SLX4IP: variants seen among roughly 807,000 people sequenced by gnomAD.
SLX4IP encodes protein SLX4IP.
Under a neutral mutation model 32.9 loss-of-function variants are expected in SLX4IP, and 34 were observed. The observed-to-expected ratio is 1.03, with a 90% confidence interval of 0.79 to 1.38. The LOEUF is 1.38. Ranked by LOEUF, SLX4IP falls within the 40% of genes most tolerant of loss-of-function variation. SLX4IP has a pLI of 0.00. For missense variants in SLX4IP, 444 were observed against 479.0 expected, an observed-to-expected ratio of 0.93 and a Z score of 0.68; for synonymous variants, 172 against 171.7, an observed-to-expected ratio of 1.00 and a Z score of -0.01.
At chr20:10,498,062 T>G (rs1164060671) in intron 2 of SLX4IP, among the ~76,000 whole-genome samples, 1 of 151,498 alleles carries the variant, frequency 6.6e-6, no homozygotes, top group Non-Finnish European at 1.5e-5. Context: ...CTATAATTCA[T>G]GGATATATCA....
intron 2 of SLX4IP, among the ~76,000 whole-genome samples, chr20:10,508,519 G>GTCTA (rs2046217482): frequency 6.6e-6 from 1 of 152,158 alleles, no homozygotes; most frequent in South Asian, 2.1e-4. Flanking sequence ...CTTAAATGAG[G>GTCTA]TCTATTAGCC....
At chr20:10,582,611 G>A (rs1282922287) in intron 4 of SLX4IP, among the ~76,000 whole-genome samples, 1 of 151,826 alleles carries the variant, frequency 6.6e-6, no homozygotes, top group Non-Finnish European at 1.5e-5. Flanking sequence ...TTTTCAACTT[G>A]GGCCACTAGT....
chr20:10,444,509 C>G (rs1291373120), intron 1 of SLX4IP, among the ~76,000 whole-genome samples: 3 of 152,116 alleles, frequency 2.0e-5, no homozygotes, highest in Non-Finnish European at 4.4e-5. Flanking sequence ...TCCTGAGTAG[C>G]TGGGATTACA....
intron 4 of SLX4IP, among the ~76,000 whole-genome samples, chr20:10,579,081 C>G (rs935022179): frequency 1.3e-5 from 2 of 151,876 alleles, no homozygotes; most frequent in African/African-American, 4.8e-5. Context: ...TTAATGATGT[C>G]CAATTCATCT....
At chr20:10,575,495 A>G (rs745659204) in intron 4 of SLX4IP, among the ~76,000 whole-genome samples, 9 of 152,108 alleles carry the variant, frequency 5.9e-5, no homozygotes, top group Non-Finnish European at 8.8e-5. Flanking sequence ...GAAGGCAGCA[A>G]CTTCTCCTGT....
intron 1 of SLX4IP, among the ~76,000 whole-genome samples, chr20:10,449,516 C>T (rs2065225690): frequency 6.6e-6 from 1 of 152,112 alleles, no homozygotes; most frequent in Admixed American, 6.5e-5. Context: ...CTAGTTTGCC[C>T]TCAGTGGACC....
intron 2 of SLX4IP, among the ~76,000 whole-genome samples, chr20:10,506,488 CAG>C (rs2065760927): frequency 6.6e-6 from 1 of 152,178 alleles, no homozygotes; most frequent in African/African-American, 2.4e-5. Context: ...TTTAACAAGA[CAG>C]ACAGGCCTTA....
rs138888785 is a variant in SLX4IP at position 10,499,331 on chromosome 20, G to A, written c.27+41100G>A. ...ATATGCATATGCACACAACATGCACGCACACATGCATTTACACAAATAATT... is the reference window on the plus strand; with the variant it reads ...ATATGCATATGCACACAACATGCACACACACATGCATTTACACAAATAATT... On this transcript the variant is annotated intron_variant, in intron 2 of 7. Coordinates refer to ENST00000334534, the MANE Select transcript of SLX4IP (RefSeq NM_001009608.3). Among the ~76,000 whole-genome samples, 81 of 152,198 alleles carry A rather than the reference G, an allele frequency of 5.3e-4. 2 individuals are homozygous for A. In the East Asian group the frequency reaches 0.012, roughly 22 times the overall value.
intron 2 of SLX4IP, among the ~76,000 whole-genome samples, chr20:10,549,182 G>A (rs1010695062): frequency 6.6e-6 from 1 of 152,124 alleles, no homozygotes; most frequent in Non-Finnish European, 1.5e-5. Context: ...CCCACCTCTT[G>A]CAGGGTTTAT....
chr20:10,593,100 G>C (rs986096197), intron 4 of SLX4IP, among the ~76,000 whole-genome samples: 1 of 152,124 alleles, frequency 6.6e-6, no homozygotes, highest in Non-Finnish European at 1.5e-5. Context: ...GTCTGAACTG[G>C]CGTGCAATGC....
At chr20:10,602,433 G>A (rs1465925632) in intron 6 of SLX4IP, among the ~76,000 whole-genome samples, 2 of 152,176 alleles carry the variant, frequency 1.3e-5, no homozygotes, top group East Asian at 3.8e-4. Flanking sequence ...AGATAAAACT[G>A]ACTCAGAATT....
intron 4 of SLX4IP, among the ~76,000 whole-genome samples, chr20:10,566,871 A>G (rs970897199): frequency 6.6e-6 from 1 of 152,208 alleles, no homozygotes; most frequent in Non-Finnish European, 1.5e-5. Context: ...TGGCAGAAAC[A>G]TGGCAGACAT....
chr20:10,614,138 G>A (rs975303676), intron 6 of SLX4IP: 40 of 1,300,664 alleles, frequency 3.1e-5, no homozygotes, highest in African/African-American at 4.4e-5. Flanking sequence ...CCTCGCCATC[G>A]GAGGCCTCGC....
At chr20:10,534,075 C>T (rs1178477255) in intron 2 of SLX4IP, among the ~76,000 whole-genome samples, 1 of 152,012 alleles carries the variant, frequency 6.6e-6, no homozygotes, top group East Asian at 1.9e-4. Flanking sequence ...TTGTCTCAGC[C>T]GAGGCAGGGT....
At chr20:10,545,026 C>G (rs940802148) in intron 2 of SLX4IP, among the ~76,000 whole-genome samples, 1 of 152,062 alleles carries the variant, frequency 6.6e-6, no homozygotes, top group Non-Finnish European at 1.5e-5. Context: ...TCTGTAATTG[C>G]TGATTGAGTA....
chr20:10,592,695 CATG>C (rs1223118311), intron 4 of SLX4IP, among the ~76,000 whole-genome samples: 8 of 124,102 alleles, frequency 6.4e-5, no homozygotes, highest in Admixed American at 3.2e-4. Context: ...AGTGCAGTGC[CATG>C]ATCTCGGCTC....
At chr20:10,477,845 A>C (rs887043837) in intron 2 of SLX4IP, among the ~76,000 whole-genome samples, 17 of 151,200 alleles carry the variant, frequency 1.1e-4, no homozygotes, top group Non-Finnish European at 2.2e-4. Flanking sequence ...ATTTTATTTC[A>C]GCTGCTTAAG....
intron 4 of SLX4IP, among the ~76,000 whole-genome samples, chr20:10,584,889 C>T (rs2066627847): frequency 6.6e-6 from 1 of 152,102 alleles, no homozygotes. Context: ...GACCTAGCAC[C>T]TTATAAAATG....
At chr20:10,541,932 C>T (rs2066111899) in intron 2 of SLX4IP, among the ~76,000 whole-genome samples, 2 of 152,194 alleles carry the variant, frequency 1.3e-5, no homozygotes, top group African/African-American at 4.8e-5. Context: ...ATCTGTATGA[C>T]TCTAAAGCCC....
Sources: gnomAD v4.1 joint callset for allele counts (sites outside exome capture counted in the v4.1 genomes callset) on GRCh38, gnomAD v4.1.1 for gene constraint, MANE v1.5 for transcripts, NCBI Gene and HGNC (gene_info 2026-07-23, HGNC 2026-07-21) for gene names.